The following FBXW7 variants were observed in gnomAD, a reference collection of about 807,000 sequenced individuals.
FBXW7 encodes the protein F-box and WD repeat domain containing 7.
A neutral mutation model predicts 86.3 loss-of-function variants in FBXW7; 11 were observed. That is an observed-to-expected ratio of 0.13 (90% CI 0.08 to 0.21). The LOEUF (loss-of-function observed/expected upper bound fraction) is 0.21. FBXW7 is among the 10% of genes least tolerant of loss of function. The pLI, the probability that FBXW7 is intolerant of heterozygous loss-of-function variation, is 1.00. For missense variants in FBXW7, 488 were observed against 847.4 expected, an observed-to-expected ratio of 0.58 and a Z score of 5.27; for synonymous variants, 313 against 297.9, an observed-to-expected ratio of 1.05 and a Z score of -0.52.
At chr4:152,486,292 AT>A (rs1439603560) in intron 2 of FBXW7, among the ~76,000 whole-genome samples, 1 of 152,104 alleles carries the variant, frequency 6.6e-6, no homozygotes, top group African/African-American at 2.4e-5. Context: ...CACTACATCT[AT>A]TTTTAAACAT....
At chr4:152,428,573 G>A (rs1739590865) in intron 2 of FBXW7, among the ~76,000 whole-genome samples, 1 of 152,138 alleles carries the variant, frequency 6.6e-6, no homozygotes, top group Non-Finnish European at 1.5e-5. Context: ...CGTAGCACAG[G>A]TTCTGAACCT....
At chr4:152,327,616 T>A (rs1275226716) in intron 11 of FBXW7, among the ~76,000 whole-genome samples, 1 of 152,050 alleles carries the variant, frequency 6.6e-6, no homozygotes, top group Admixed American at 6.6e-5. Context: ...CTTCCTTAAT[T>A]CGTTAGTCAA....
At chr4:152,530,137 G>GTA (rs1389791667) in intron 2 of FBXW7, 1 of 142,066 alleles carries the variant, frequency 7.0e-6, no homozygotes, top group Admixed American at 7.0e-5. Flanking sequence ...ATATATATAC[G>GTA]TATATATATG....
At chr4:152,400,610 G>T (rs1409258790) in intron 4 of FBXW7, among the ~76,000 whole-genome samples, 1 of 151,952 alleles carries the variant, frequency 6.6e-6, no homozygotes, top group Non-Finnish European at 1.5e-5. Context: ...GCCTGCCAAA[G>T]TGCTGGGATT....
intron 2 of FBXW7, among the ~76,000 whole-genome samples, chr4:152,472,648 A>G (rs1201197663): frequency 6.6e-6 from 1 of 152,240 alleles, no homozygotes; most frequent in East Asian, 1.9e-4. Flanking sequence ...GTAAAGGAAT[A>G]TGACAGATAC....
At chr4:152,507,579 G>T (rs1044125635) in intron 2 of FBXW7, among the ~76,000 whole-genome samples, 1 of 152,130 alleles carries the variant, frequency 6.6e-6, no homozygotes, top group Non-Finnish European at 1.5e-5. Flanking sequence ...CATCTAACAC[G>T]GTTCTAAGAC....
At chr4:152,385,054 G>T (rs1407407304) in intron 4 of FBXW7, among the ~76,000 whole-genome samples, 4 of 151,870 alleles carry the variant, frequency 2.6e-5, no homozygotes, top group Admixed American at 1.3e-4. Context: ...AGGTCCCATG[G>T]AATATCCTTA....
chr4:152,404,197 C>T (rs554556650), intron 4 of FBXW7, among the ~76,000 whole-genome samples: 2 of 152,236 alleles, frequency 1.3e-5, no homozygotes, highest in South Asian at 4.2e-4. Context: ...AATGACATTT[C>T]CTGTGAGGAA....
intron 2 of FBXW7, among the ~76,000 whole-genome samples, chr4:152,441,005 AAT>A (rs1740846894): frequency 6.6e-6 from 1 of 152,062 alleles, no homozygotes; most frequent in Non-Finnish European, 1.5e-5. Context: ...TGGAAGCGGC[AAT>A]ATATCTTTCT....
At chr4:152,469,269 A>T (rs1239947157) in intron 2 of FBXW7, among the ~76,000 whole-genome samples, 1 of 152,090 alleles carries the variant, frequency 6.6e-6, no homozygotes, top group Non-Finnish European at 1.5e-5. Flanking sequence ...ATCTATTATG[A>T]TTAACCAAAT....
intron 2 of FBXW7, among the ~76,000 whole-genome samples, chr4:152,434,573 A>C (rs190692420): frequency 2.6e-5 from 4 of 152,214 alleles, no homozygotes; most frequent in Admixed American, 2.6e-4. Context: ...TTCCACCACT[A>C]TTTACTGACT....
intron 2 of FBXW7, among the ~76,000 whole-genome samples, chr4:152,489,625 T>C (rs563886455): frequency 1.3e-5 from 2 of 152,226 alleles, no homozygotes; most frequent in East Asian, 1.9e-4. Context: ...CCAGGAATTA[T>C]AAAGTCATGT....
chr4:152,352,143 T>C (rs190110079), intron 4 of FBXW7, among the ~76,000 whole-genome samples: 18 of 152,106 alleles, frequency 1.2e-4, no homozygotes, highest in South Asian at 1.0e-3. Flanking sequence ...TATAGAAAAA[T>C]TGAAGGCAAA....
intron 4 of FBXW7, among the ~76,000 whole-genome samples, chr4:152,410,752 A>G (rs1450146484): frequency 6.6e-6 from 1 of 152,166 alleles, no homozygotes; most frequent in African/African-American, 2.4e-5. Context: ...TGTCTATAAA[A>G]CAAGTATATT....
At chr4:152,405,460 A>G (rs1737334291) in intron 4 of FBXW7, among the ~76,000 whole-genome samples, 1 of 152,202 alleles carries the variant, frequency 6.6e-6, no homozygotes, top group South Asian at 2.1e-4. Context: ...AACTATGGTA[A>G]GATATTGGAA....
Position 152,525,419 on chromosome 4 carries a change from C to T in FBXW7, c.-120+9522G>A, listed in dbSNP as rs561059740. On this transcript the variant is annotated intron_variant, in intron 2 of 13. Transcript: ENST00000281708. ...TTATTTCAACAACCAGGTATTAAAC[C>T]CAGTACCCAATAGTTATCTTTTCTG... 9.9e-5 allele frequency among the ~76,000 whole-genome samples: 15 copies of T among 152,200 alleles called. No individual in the cohort carries two copies. In the East Asian group the frequency reaches 2.9e-3, roughly 29 times the overall value.
At chr4:152,488,807 T>C (rs1338222588) in intron 2 of FBXW7, among the ~76,000 whole-genome samples, 1 of 151,964 alleles carries the variant, frequency 6.6e-6, no homozygotes, top group African/African-American at 2.4e-5. Context: ...TATAATATTC[T>C]CAAAAAGAAA....
At chr4:152,418,456 G>T (rs1237241075) in intron 2 of FBXW7, among the ~76,000 whole-genome samples, 5 of 152,200 alleles carry the variant, frequency 3.3e-5, no homozygotes, top group Non-Finnish European at 4.4e-5. Flanking sequence ...GAGTGAGGAA[G>T]GATATCAGCA....
chr4:152,433,040 G>A (rs946605258), intron 2 of FBXW7, among the ~76,000 whole-genome samples: 23 of 152,002 alleles, frequency 1.5e-4, no homozygotes, highest in African/African-American at 5.1e-4. Context: ...TTTGATATTC[G>A]TGTTGTCGCA....
Sources: gnomAD v4.1 joint callset for allele counts (sites outside exome capture counted in the v4.1 genomes callset) on GRCh38, gnomAD v4.1.1 for gene constraint, MANE v1.5 for transcripts, NCBI Gene and HGNC (gene_info 2026-07-23, HGNC 2026-07-21) for gene names.